Variants in PDE4D observed in about 807,000 individuals in gnomAD.
The protein encoded by PDE4D is 3',5'-cyclic-AMP phosphodiesterase 4D.
A neutral mutation model predicts 87.4 loss-of-function variants in PDE4D; 24 were observed. That is an observed-to-expected ratio of 0.27 (90% CI 0.20 to 0.39). The LOEUF is 0.39. PDE4D is among the 10% of genes least tolerant of loss of function. PDE4D has a pLI of 1.00. For synonymous variants in PDE4D, 384 were observed against 383.2 expected (o/e 1.00, Z -0.02); for missense variants, 714 against 1,041.0 (o/e 0.69, Z 4.32).
intron 6 of PDE4D, among the ~76,000 whole-genome samples, chr5:59,016,923 C>T (rs936574866): frequency 2.2e-4 from 33 of 152,052 alleles, no homozygotes; most frequent in East Asian, 1.9e-4. Context: ...AAATTACAAA[C>T]ACTCTCAATG....
intron 6 of PDE4D, among the ~76,000 whole-genome samples, chr5:58,995,780 T>C (rs918108134): frequency 2.0e-5 from 3 of 152,170 alleles, no homozygotes; most frequent in African/African-American, 7.2e-5. Context: ...CATAAAGAAT[T>C]TGGAATAGCA....
rs369703940 is a variant in PDE4D at position 58,977,715 on chromosome 5, A to G, written c.1553-370T>C. 1.2e-4 allele frequency among the ~76,000 whole-genome samples: 19 copies of G among 152,268 alleles called. No homozygotes were observed. The East Asian group carries it at 2.7e-3, about 22-fold the overall frequency. ...CAGAGCATAAGGTTTTGTATTCCTG[A>G]TAACTGTGAATTACCTACCCTGCAC... On this transcript the variant is annotated intron_variant, in intron 11 of 14. Transcript: ENST00000340635.
chr5:59,436,085 G>A (rs1026573627), intron 1 of PDE4D, among the ~76,000 whole-genome samples: 2 of 152,098 alleles, frequency 1.3e-5, no homozygotes, highest in African/African-American at 4.8e-5. Context: ...GAGTGTACTG[G>A]CAAATTCAAA....
chr5:60,361,365 T>C (rs1226825988), intron 1 of PDE4D, among the ~76,000 whole-genome samples: 1 of 152,174 alleles, frequency 6.6e-6, no homozygotes, highest in African/African-American at 2.4e-5. Context: ...GCTGTGAAAA[T>C]TAATCAATCA....
In PDE4D at chr5:59,185,213, T is replaced by C; in HGVS notation, c.734A>G (p.Asn245Ser). ...TVRNNFAALT[N>S]LQDRAPSKRS... ...CTTGCTAGGTGCTCGATCTTGCAAA[T>C]TAGTTAATGCAGCAAAGTTGTTTCG... Residue 245 changes from asparagine to serine, a missense_variant, in exon 4 of 15, where the codon AAT becomes AGT. Asn to Ser is a conservative substitution (Grantham distance 46, BLOSUM62 1). Around this residue, in one of 7 missense-constraint regions of PDE4D, gnomAD observed 90 missense variants for 177.6 expected, o/e 0.51. Coordinates refer to ENST00000340635, the MANE Select transcript of PDE4D (RefSeq NM_001104631.2). The C allele has an allele frequency of 6.2e-7, 1 of 1,612,746 alleles. No individual in the cohort carries two copies. The highest frequency in any genetic ancestry group is 8.5e-7 in the Non-Finnish European group (1 of 1,179,088).
At chr5:59,370,207 C>T (rs1783735202) in intron 1 of PDE4D, among the ~76,000 whole-genome samples, 1 of 152,178 alleles carries the variant, frequency 6.6e-6, no homozygotes, top group Admixed American at 6.5e-5. Context: ...CTTCACAGAG[C>T]ACCCAGAGTG....
rs576160181 is a variant in PDE4D at position 59,191,717 on chromosome 5, C to T, written c.684+1783G>A. ...CCAAGTAGCTGGGATTACAGGCACCCGTCACCATGCCTGGCTAATTTTTTT... is the reference window on the plus strand; with the variant it reads ...CCAAGTAGCTGGGATTACAGGCACCTGTCACCATGCCTGGCTAATTTTTTT... On this transcript the variant is annotated intron_variant, in intron 3 of 14. Transcript: ENST00000340635. 3.7e-4 allele frequency among the ~76,000 whole-genome samples: 56 copies of T among 152,054 alleles called. No homozygotes were observed. In the South Asian group the frequency reaches 3.7e-3, roughly 10 times the overall value.
intron 1 of PDE4D, among the ~76,000 whole-genome samples, chr5:59,602,062 A>G (rs1418266811): frequency 6.6e-6 from 1 of 152,046 alleles, no homozygotes; most frequent in African/African-American, 2.4e-5. Context: ...CAATAAAAAG[A>G]CTGTTCACCA....
At chr5:59,548,315 C>A (rs1362085630) in intron 1 of PDE4D, among the ~76,000 whole-genome samples, 1 of 152,178 alleles carries the variant, frequency 6.6e-6, no homozygotes, top group Non-Finnish European at 1.5e-5. Flanking sequence ...TGCTTACTTA[C>A]TCTTTGCTAT....
chr5:59,615,502 G>A (rs1482680775), intron 1 of PDE4D, among the ~76,000 whole-genome samples: 1 of 152,174 alleles, frequency 6.6e-6, no homozygotes, highest in Non-Finnish European at 1.5e-5. Flanking sequence ...GAAAAAGTGG[G>A]TAAAGAGTCA....
chr5:59,087,735 T>G (rs954954102), intron 5 of PDE4D, among the ~76,000 whole-genome samples: 1 of 152,144 alleles, frequency 6.6e-6, no homozygotes, highest in Non-Finnish European at 1.5e-5. Context: ...TCACCTATAG[T>G]GCCACAATCT....
chr5:59,630,969 T>C (rs1831497230), intron 1 of PDE4D, among the ~76,000 whole-genome samples: 1 of 152,138 alleles, frequency 6.6e-6, no homozygotes. Context: ...CTCATATTTG[T>C]GGAAGGGATA....
intron 2 of PDE4D, among the ~76,000 whole-genome samples, chr5:60,069,601 T>C (rs1003835357): frequency 6.6e-6 from 1 of 152,162 alleles, no homozygotes; most frequent in Non-Finnish European, 1.5e-5. Flanking sequence ...TTGCAACATA[T>C]CTAGAGATCA....
intron 1 of PDE4D, among the ~76,000 whole-genome samples, chr5:59,651,405 A>T (rs1016029081): frequency 1.5e-4 from 23 of 151,662 alleles, no homozygotes; most frequent in African/African-American, 5.3e-4. Flanking sequence ...TATTTAGTGC[A>T]TGCTCAATAA....
At chr5:59,886,617 T>C (rs537735500) in intron 1 of PDE4D, among the ~76,000 whole-genome samples, 53 of 152,184 alleles carry the variant, frequency 3.5e-4, no homozygotes, top group Non-Finnish European at 6.3e-4. Context: ...AAGATATTCA[T>C]GAGTTTTCTG....
intron 1 of PDE4D, among the ~76,000 whole-genome samples, chr5:59,219,204 A>G (rs1751927285): frequency 6.6e-6 from 1 of 151,998 alleles, no homozygotes; most frequent in Admixed American, 6.6e-5. Flanking sequence ...TTAAAAAAAA[A>G]AAAGAAAAGA....
intron 2 of PDE4D, among the ~76,000 whole-genome samples, chr5:60,047,937 G>A (rs1769514383): frequency 2.6e-5 from 4 of 152,042 alleles, no homozygotes; most frequent in Admixed American, 6.6e-5. Flanking sequence ...TTTGTGTCTC[G>A]TTGCTCTGTC....
Position 59,102,081 on chromosome 5 carries a change from C to CTT in PDE4D, c.809-63112_809-63111dup, listed in dbSNP as rs34811771. ...TCTGAAACTGTTAATTTTTTCCCTA[C>CTT]TTTTTTTTTTTTTTTTTTTTTTGAG... On this transcript the variant is annotated intron_variant, in intron 5 of 14. Coordinates refer to ENST00000340635, the MANE Select transcript of PDE4D (RefSeq NM_001104631.2). Among the ~76,000 whole-genome samples, 506 of 96,094 alleles carry CTT rather than the reference C, an allele frequency of 5.3e-3. 4 individuals carry two copies. The highest frequency in any genetic ancestry group is 7.0e-3 in the South Asian group (19 of 2,720). 63.0% of individuals were successfully genotyped at this position (96,094 alleles called of 152,430 possible). A position where few individuals can be genotyped will look rare whatever the true frequency, so the allele number is the denominator to read the frequency against.
chr5:59,237,692 C>G (rs192893547), intron 1 of PDE4D, among the ~76,000 whole-genome samples: 7 of 152,128 alleles, frequency 4.6e-5, no homozygotes, highest in Admixed American at 4.6e-4. Context: ...CTGCTTCTTG[C>G]TATCTGAACA....
Sources: allele counts gnomAD v4.1 joint callset (sites outside exome capture counted in the v4.1 genomes callset), GRCh38; gene constraint gnomAD v4.1.1; regional missense constraint gnomAD v4.1.1; transcripts MANE v1.5; gene names NCBI Gene and HGNC (gene_info 2026-07-23, HGNC 2026-07-21).